The following CADM2 variants were observed in gnomAD, a reference collection of about 807,000 sequenced individuals.
CADM2 encodes the protein immunoglobulin superfamily member 4D.
CADM2 carries 12 observed loss-of-function variants against 49.8 expected under a neutral mutation model. That is an observed-to-expected ratio of 0.24 (90% CI 0.15 to 0.39). CADM2 has a LOEUF of 0.39. Among genes scored for constraint, CADM2 ranks in the 10% least tolerant of loss-of-function variants. The pLI is 1.00. For synonymous variants in CADM2, 214 were observed against 175.4 expected (o/e 1.22, Z -1.74); for missense variants, 378 against 492.3 (o/e 0.77, Z 2.20).
At chr3:85,713,627 C>A (rs1444463474) in intron 1 of CADM2, among the ~76,000 whole-genome samples, 2 of 152,174 alleles carry the variant, frequency 1.3e-5, no homozygotes, top group Non-Finnish European at 2.9e-5. Context: ...CAATTGAATT[C>A]TCAATGTGAT....
At chr3:85,546,832 C>T (rs1040679737) in intron 1 of CADM2, among the ~76,000 whole-genome samples, 77 of 107,106 alleles carry the variant, frequency 7.2e-4, no homozygotes, top group Non-Finnish European at 3.0e-4. Context: ...AAGAAGTAGT[C>T]GGCAGGCAAA....
chr3:85,978,324 T>C (rs763741602), intron 8 of CADM2, among the ~76,000 whole-genome samples: 1 of 151,650 alleles, frequency 6.6e-6, no homozygotes, highest in Non-Finnish European at 1.5e-5. Flanking sequence ...GGGTTTTATT[T>C]TTTCTGTATT....
chr3:86,003,930 C>T (rs1310439770), intron 8 of CADM2, among the ~76,000 whole-genome samples: 1 of 152,070 alleles, frequency 6.6e-6, no homozygotes, highest in African/African-American at 2.4e-5. Flanking sequence ...AAAAGGAATT[C>T]GTAATATCAC....
At chr3:85,295,828 G>A (rs1325970894) in intron 1 of CADM2, among the ~76,000 whole-genome samples, 3 of 151,880 alleles carry the variant, frequency 2.0e-5, no homozygotes, top group Non-Finnish European at 4.4e-5. Flanking sequence ...CCTAATGCTA[G>A]ATGACGAGTT....
At chr3:85,325,544 T>C (rs1347591026) in intron 1 of CADM2, among the ~76,000 whole-genome samples, 1 of 152,098 alleles carries the variant, frequency 6.6e-6, no homozygotes, top group Non-Finnish European at 1.5e-5. Flanking sequence ...ACCCCGTTTC[T>C]GCTAAAAATA....
At chr3:85,867,148 T>C (rs1006423176) in intron 3 of CADM2, among the ~76,000 whole-genome samples, 2 of 152,106 alleles carry the variant, frequency 1.3e-5, no homozygotes, top group Non-Finnish European at 2.9e-5. Flanking sequence ...AAGATAGTAC[T>C]TTTATGTATG....
In CADM2 at chr3:86,066,752, A is replaced by G. The variant is rs200417137; in HGVS notation, c.1184A>G (p.Asn395Ser). 11 of 1,613,408 alleles carry G rather than the reference A, an allele frequency of 6.8e-6. No individual in the cohort carries two copies. The highest frequency in any genetic ancestry group is 8.5e-6 in the Non-Finnish European group (10 of 1,179,326). ...AIINAEGSQV[N>S]AEEKKEYFI ...ATCAATGCTGAAGGCAGCCAAGTCA[A>G]TGCTGAAGAGAAAAAAGAGTATTTC... is the stretch of plus-strand genomic sequence containing the variant. The change falls in exon 10 of 10, where the codon AAT becomes AGT. Residue 395 changes from asparagine to serine, a missense_variant. Coordinates refer to ENST00000383699, the MANE Select transcript of CADM2 (RefSeq NM_001167675.2).
intron 1 of CADM2, among the ~76,000 whole-genome samples, chr3:85,550,238 G>A (rs1278114489): frequency 6.6e-6 from 1 of 152,122 alleles, no homozygotes. Flanking sequence ...GAAAAGATGT[G>A]GGGTGCATTG....
At position 85,625,796 on chromosome 3, in the gene CADM2, G is replaced by A. The variant is rs2064111154; in HGVS notation, c.62-100726G>A. On this transcript the variant is annotated intron_variant, in intron 1 of 9. Transcript: ENST00000383699. ...GTACTGTGATACATATCAAAATAAA[G>A]TTTCTCCCTGCTTTTCTCTAATTAA... Among the ~76,000 whole-genome samples, 3 of 151,950 alleles carry A rather than the reference G, an allele frequency of 2.0e-5. No individual in the cohort carries two copies. The South Asian group carries it at 6.2e-4, about 31-fold the overall frequency.
At chr3:85,082,249 T>C (rs2037191966) in intron 1 of CADM2, among the ~76,000 whole-genome samples, 1 of 152,158 alleles carries the variant, frequency 6.6e-6, no homozygotes, top group Non-Finnish European at 1.5e-5. Flanking sequence ...GAATAGAAAA[T>C]AATAGTAATA....
At chr3:85,158,135 A>T (rs554134432) in intron 1 of CADM2, among the ~76,000 whole-genome samples, 1 of 152,226 alleles carries the variant, frequency 6.6e-6, no homozygotes, top group South Asian at 2.1e-4. Flanking sequence ...TCGAAACCAC[A>T]ATGAGATACC....
chr3:85,777,939 G>A (rs1215623928), intron 2 of CADM2, among the ~76,000 whole-genome samples: 1 of 152,090 alleles, frequency 6.6e-6, no homozygotes, highest in Non-Finnish European at 1.5e-5. Flanking sequence ...ATATGCATAG[G>A]TATACAAAAT....
rs564287189 is a variant in CADM2, at chr3:85,642,598, T to A, written c.62-83924T>A. Among the ~76,000 whole-genome samples the A allele has an allele frequency of 1.6e-4, 24 of 152,228 alleles. No individual in the cohort carries two copies. The South Asian group carries it at 4.6e-3, about 29-fold the overall frequency. ...TGATGATAAAATTTTTAGGAAAAAATTAAGTGTCTATTATTTGCTCAGATA... is the reference window on the plus strand; with the variant it reads ...TGATGATAAAATTTTTAGGAAAAAAATAAGTGTCTATTATTTGCTCAGATA... On this transcript the variant is annotated intron_variant, in intron 1 of 9. Coordinates refer to ENST00000383699, the MANE Select transcript of CADM2 (RefSeq NM_001167675.2).
At chr3:85,570,887 A>G (rs991089195) in intron 1 of CADM2, among the ~76,000 whole-genome samples, 1 of 152,226 alleles carries the variant, frequency 6.6e-6, no homozygotes, top group African/African-American at 2.4e-5. Context: ...GTGGAGTGCT[A>G]TTGAAAAGTA....
intron 3 of CADM2, among the ~76,000 whole-genome samples, chr3:85,822,025 T>C (rs754486349): frequency 1.3e-5 from 2 of 152,214 alleles, no homozygotes; most frequent in Non-Finnish European, 2.9e-5. Flanking sequence ...ATTAAATGTC[T>C]ATATGCATAT....
intron 1 of CADM2, among the ~76,000 whole-genome samples, chr3:85,354,497 G>T (rs1050685689): frequency 2.6e-5 from 4 of 151,470 alleles, no homozygotes; most frequent in African/African-American, 9.7e-5. Flanking sequence ...AAAACTTAAA[G>T]TATAATAATA....
intron 1 of CADM2, among the ~76,000 whole-genome samples, chr3:85,601,547 C>CA (rs1405396294): frequency 6.6e-6 from 1 of 151,264 alleles, no homozygotes; most frequent in Non-Finnish European, 1.5e-5. Flanking sequence ...TAGATATACT[C>CA]AAAGATCCTA....
chr3:86,063,254 T>C (rs1224084124), intron 8 of CADM2, among the ~76,000 whole-genome samples: 1 of 152,220 alleles, frequency 6.6e-6, no homozygotes, highest in Non-Finnish European at 1.5e-5. Flanking sequence ...AGACAAGTTA[T>C]TAATTCTCCT....
At chr3:85,905,415 G>A (rs1011778078) in intron 5 of CADM2, among the ~76,000 whole-genome samples, 1 of 151,968 alleles carries the variant, frequency 6.6e-6, no homozygotes, top group Non-Finnish European at 1.5e-5. Context: ...AACTGTCCCC[G>A]AATTATATAT....
Sources: allele counts gnomAD v4.1 joint callset (sites outside exome capture counted in the v4.1 genomes callset), GRCh38; gene constraint gnomAD v4.1.1; transcripts MANE v1.5; gene names NCBI Gene and HGNC (gene_info 2026-07-23, HGNC 2026-07-21).